Variants in SLC35F3 observed in about 807,000 individuals in gnomAD.
SLC35F3 encodes the protein solute carrier family 35 member F3, also known as putative thiamine transporter SLC35F3.
A neutral mutation model predicts 49.9 loss-of-function variants in SLC35F3; 25 were observed. The observed-to-expected ratio is 0.50, with a 90% CI of 0.37 to 0.70. SLC35F3 has a LOEUF of 0.70. Among genes scored for constraint, SLC35F3 ranks in the 30% least tolerant of loss-of-function variants. The pLI is 0.00. For synonymous variants in SLC35F3, 275 were observed against 265.4 expected, an observed-to-expected ratio of 1.04 and a Z score of -0.35; for missense variants, 525 against 639.8, an observed-to-expected ratio of 0.82 and a Z score of 1.94.
Position 234,214,499 on chromosome 1 carries a change from A to T in SLC35F3, c.284-16918A>T. The stretch of plus-strand genomic sequence containing the variant: ...CGCTCCTGCAGGCGGCCGGCTCATC[A>T]TGAAGAAGCACTCGGCCCGGGTGGC... On this transcript the variant is annotated intron_variant, in intron 2 of 7. Coordinates refer to ENST00000366618, the MANE Select transcript of SLC35F3 (RefSeq NM_173508.4). This position sits in a 1 kb window ranked among gnomAD's most constrained non-coding sequence, Gnocchi z 8.0. The T allele has an allele frequency of 6.5e-7, 1 of 1,535,096 alleles. No homozygotes were observed. The highest frequency in any genetic ancestry group is 8.8e-7 in the Non-Finnish European group (1 of 1,142,424).
At chr1:234,125,457 A>T (rs1056513850) in intron 2 of SLC35F3, among the ~76,000 whole-genome samples, 1 of 152,124 alleles carries the variant, frequency 6.6e-6, no homozygotes, top group Non-Finnish European at 1.5e-5. Context: ...CACGTACTCA[A>T]GTATACTCCT....
chr1:234,283,822 G>A (rs1374214283), intron 3 of SLC35F3, among the ~76,000 whole-genome samples: 1 of 152,208 alleles, frequency 6.6e-6, no homozygotes, highest in Non-Finnish European at 1.5e-5. Flanking sequence ...CTAGGAATTT[G>A]TAATTATCAT....
chr1:233,999,938 TTTC>T (rs1663525321), intron 2 of SLC35F3, among the ~76,000 whole-genome samples: 1 of 152,180 alleles, frequency 6.6e-6, no homozygotes, highest in Non-Finnish European at 1.5e-5. Context: ...TAGGATATGA[TTTC>T]TTCTTTAAAG....
chr1:234,115,742 C>G (rs550256473), intron 2 of SLC35F3, among the ~76,000 whole-genome samples: 1 of 152,240 alleles, frequency 6.6e-6, no homozygotes, highest in South Asian at 2.1e-4. Flanking sequence ...TTTCCTTCAC[C>G]TCGAAATATC....
At chr1:234,191,585 A>G (rs112164252) in intron 2 of SLC35F3, among the ~76,000 whole-genome samples, 11,996 of 152,016 alleles carry the variant, frequency 0.079, 1,320 homozygotes, top group African/African-American at 0.25. Context: ...GAAGAAGAGA[A>G]ATAACCCAGA....
chr1:233,924,124 G>A (rs1662114610), intron 2 of SLC35F3, among the ~76,000 whole-genome samples: 1 of 152,154 alleles, frequency 6.6e-6, no homozygotes, highest in African/African-American at 2.4e-5. Flanking sequence ...TTGTGTCTCT[G>A]CCAGGCTTTG....
At position 233,905,063 on chromosome 1, in the gene SLC35F3, A is replaced by C. The variant is rs1486745630; in HGVS notation, c.-15A>C. The C allele has an allele frequency of 6.4e-7, 1 of 1,557,448 alleles. No homozygotes were observed. Among genetic ancestry groups the C allele is most frequent in the African/African-American group, 1.4e-5 (1 of 73,560 alleles). On this transcript the variant is annotated 5_prime_UTR_variant, in exon 1 of 8. Transcript: ENST00000366618. Reference sequence around the variant, plus strand: ...CTCAAGTCTGGGAGCTGCCGGTCCCACTCTGTCTTTGCCTATGGGGATTCG... The same window carrying C: ...CTCAAGTCTGGGAGCTGCCGGTCCCCCTCTGTCTTTGCCTATGGGGATTCG...
At chr1:234,296,550 A>T (rs1173180964) in intron 3 of SLC35F3, among the ~76,000 whole-genome samples, 1 of 152,198 alleles carries the variant, frequency 6.6e-6, no homozygotes, top group African/African-American at 2.4e-5. Context: ...CCAGACATAA[A>T]TGGAGGCTGT....
At chr1:234,275,725 A>T (rs1317278674) in intron 3 of SLC35F3, among the ~76,000 whole-genome samples, 1 of 149,838 alleles carries the variant, frequency 6.7e-6, no homozygotes, top group African/African-American at 2.5e-5. Context: ...GTCAACTCTG[A>T]TAAATGAAAC....
intron 2 of SLC35F3, among the ~76,000 whole-genome samples, chr1:233,973,085 T>C (rs1663021391): frequency 6.6e-6 from 1 of 152,240 alleles, no homozygotes; most frequent in African/African-American, 2.4e-5. Context: ...CACTGTCCCC[T>C]TGGGTCACGA....
intron 2 of SLC35F3, among the ~76,000 whole-genome samples, chr1:234,109,971 G>T (rs1313654950): frequency 1.3e-5 from 2 of 152,206 alleles, no homozygotes; most frequent in African/African-American, 4.8e-5. Flanking sequence ...AACTAGCTCT[G>T]GTTGGCAGGG....
At chr1:234,062,844 A>ATTT (rs71170448) in intron 2 of SLC35F3, among the ~76,000 whole-genome samples, 2 of 132,504 alleles carry the variant, frequency 1.5e-5, no homozygotes. Flanking sequence ...CGCCTGGCTA[A>ATTT]TTTTTTTTTT....
chr1:234,230,380 A>G (rs1268371156), intron 2 of SLC35F3, among the ~76,000 whole-genome samples: 3 of 151,592 alleles, frequency 2.0e-5, no homozygotes, highest in Non-Finnish European at 4.4e-5. Flanking sequence ...TGACCCCAAT[A>G]TATTCAGGAC....
chr1:234,130,884 A>G (rs573213526), intron 2 of SLC35F3, among the ~76,000 whole-genome samples: 3 of 152,328 alleles, frequency 2.0e-5, no homozygotes, highest in South Asian at 4.1e-4. Flanking sequence ...TGCATTAGTC[A>G]TAATAGTTAA....
chr1:234,149,012 A>G (rs1350992958), intron 2 of SLC35F3, among the ~76,000 whole-genome samples: 1 of 152,182 alleles, frequency 6.6e-6, no homozygotes, highest in Non-Finnish European at 1.5e-5. Flanking sequence ...GAAGTTTAAG[A>G]CTTAGTCATC....
chr1:234,311,348 G>C (rs924699461), intron 4 of SLC35F3, among the ~76,000 whole-genome samples: 1 of 152,202 alleles, frequency 6.6e-6, no homozygotes, highest in African/African-American at 2.4e-5. Flanking sequence ...TGGTGCATGG[G>C]ACCGCTCAGA....
At chr1:233,981,163 T>A (rs1005806543) in intron 2 of SLC35F3, among the ~76,000 whole-genome samples, 1 of 152,236 alleles carries the variant, frequency 6.6e-6, no homozygotes, top group Non-Finnish European at 1.5e-5. Context: ...GGAAATTGAC[T>A]TGGGTACAAT....
At position 233,932,519 on chromosome 1, in the gene SLC35F3, T is replaced by C. The variant is rs546039842; in HGVS notation, c.283+26761T>C. 2.0e-5 allele frequency among the ~76,000 whole-genome samples: 3 copies of C among 152,310 alleles called. No homozygotes were observed. The South Asian group carries it at 6.2e-4, about 32-fold the overall frequency. Reference sequence around the variant, plus strand: ...ACTGGGAAGAGGTGTGTGGAAGCCTTCTTTCTGGGGTGGCAGAAATCTATC... The same window carrying C: ...ACTGGGAAGAGGTGTGTGGAAGCCTCCTTTCTGGGGTGGCAGAAATCTATC... On this transcript the variant is annotated intron_variant, in intron 2 of 7. Coordinates refer to ENST00000366618, the MANE Select transcript of SLC35F3 (RefSeq NM_173508.4).
intron 3 of SLC35F3, among the ~76,000 whole-genome samples, chr1:234,233,585 T>C (rs139759913): frequency 0.015 from 2,226 of 152,312 alleles, 30 homozygotes; most frequent in Non-Finnish European, 0.021. Context: ...GATCAAGTGG[T>C]GCTTATACGG....
Sources: gnomAD v4.1 joint callset for allele counts (sites outside exome capture counted in the v4.1 genomes callset) on GRCh38, gnomAD v4.1.1 for gene constraint, Gnocchi (gnomAD v3.1) non-coding constraint, MANE v1.5 for transcripts, NCBI Gene and HGNC (gene_info 2026-07-23, HGNC 2026-07-21) for gene names.